The following MYO3A variants were observed in gnomAD, a reference collection of about 807,000 sequenced individuals.
The protein encoded by MYO3A is myosin IIIA.
A neutral mutation model predicts 192.7 loss-of-function variants in MYO3A; 180 were observed. That is an observed-to-expected ratio of 0.93 (90% CI 0.83 to 1.06). The LOEUF (loss-of-function observed/expected upper bound fraction) is 1.06, where lower values mean the gene tolerates loss of function less well. Among genes scored for constraint, MYO3A ranks in the 50% least tolerant of loss-of-function variants. The probability of loss-of-function intolerance (pLI) is 0.00; values close to 1 mark genes in which losing one functional copy is unlikely to be tolerated. For synonymous variants in MYO3A, 628 were observed against 645.3 expected (o/e 0.97, Z 0.41); for missense variants, 1,896 against 1,905.0 (o/e 1.00, Z 0.09).
chr10:26,125,096 A>G (rs577364674), intron 18 of MYO3A, among the ~76,000 whole-genome samples: 9 of 152,210 alleles, frequency 5.9e-5, no homozygotes, highest in Admixed American at 4.6e-4. Context: ...AATTTAGTGA[A>G]ACTATATTTG....
intron 6 of MYO3A, among the ~76,000 whole-genome samples, chr10:26,001,873 G>A (rs1482921437): frequency 6.6e-6 from 1 of 152,146 alleles, no homozygotes; most frequent in Non-Finnish European, 1.5e-5. Context: ...TGTAACCCCA[G>A]CTATTCAGGA....
At position 25,952,037 on chromosome 10, in the gene MYO3A, G is replaced by A. The variant is rs75827068; in HGVS notation, c.-17-57G>A. The A allele has an allele frequency of 5.4e-3, 7,127 of 1,317,256 alleles. 37 individuals carry two copies. Among genetic ancestry groups the A allele is most frequent in the Middle Eastern group, 0.026 (107 of 4,060 alleles). 81.6% of individuals were successfully genotyped at this position (1,317,256 alleles called of 1,614,324 possible). On this transcript the variant is annotated intron_variant, in intron 2 of 34. Coordinates refer to ENST00000642920, the MANE Select transcript of MYO3A (RefSeq NM_017433.5). ...ATTCGCTAATTTCCCATGGGTTTGT[G>A]TGTGCCATTTGATATCCTCAATCAA...
intron 30 of MYO3A, 137 bp from the exon 31 acceptor site, chr10:26,176,564 C>A: frequency 1.4e-6 from 1 of 737,724 alleles, no homozygotes; most frequent in South Asian, 1.7e-5. Flanking sequence ...GACCTTGGTG[C>A]AAGGGACAGG....
chr10:26,206,553 A>C (rs2132231677), intron 34 of MYO3A, among the ~76,000 whole-genome samples: 1 of 151,946 alleles, frequency 6.6e-6, no homozygotes, highest in East Asian at 1.9e-4. Flanking sequence ...GGTTCAAGTG[A>C]TTCTCCTGCC....
intron 14 of MYO3A, among the ~76,000 whole-genome samples, chr10:26,076,852 A>G (rs1301269168): frequency 6.6e-6 from 1 of 152,056 alleles, no homozygotes; most frequent in African/African-American, 2.4e-5. Context: ...CCATTGGTCT[A>G]TGTGTCTATT....
At chr10:26,186,078 T>C (rs541472732) in intron 31 of MYO3A, among the ~76,000 whole-genome samples, 3 of 152,338 alleles carry the variant, frequency 2.0e-5, no homozygotes, top group Non-Finnish European at 2.9e-5. Flanking sequence ...GTAAATATCA[T>C]TGAAAATGTA....
At chr10:26,153,720 G>C in intron 23 of MYO3A, 130 bp from the exon 24 acceptor site, 3 of 627,902 alleles carry the variant, frequency 4.8e-6, no homozygotes, top group Non-Finnish European at 8.5e-6. Flanking sequence ...TCCATAAATA[G>C]TTAACCAAGC....
rs1546698 is a variant in MYO3A at position 25,955,217 on chromosome 10, A to G, written c.303+209A>G. Among the ~76,000 whole-genome samples, 14,080 of 152,242 alleles carry G rather than the reference A, an allele frequency of 0.092. 1,141 individuals carry two copies. Among genetic ancestry groups the G allele is most frequent in the African/African-American group, 0.21 (8,665 of 41,510 alleles). The stretch of plus-strand genomic sequence containing the variant: ...CCACAAAGACTAGTAAATATTAAAA[A>G]GAAATGACTCCACAATAAAAGACCA... On this transcript the variant is annotated intron_variant, in intron 4 of 34. Coordinates refer to ENST00000642920, the MANE Select transcript of MYO3A (RefSeq NM_017433.5).
chr10:26,078,402 G>T (rs1209442867), intron 14 of MYO3A, among the ~76,000 whole-genome samples: 1 of 151,520 alleles, frequency 6.6e-6, no homozygotes, highest in African/African-American at 2.4e-5. Flanking sequence ...TCTTTTCTTG[G>T]TTAATCTTGC....
chr10:25,962,921 A>G (rs1324547603), intron 4 of MYO3A, among the ~76,000 whole-genome samples: 1 of 152,168 alleles, frequency 6.6e-6, no homozygotes, highest in Admixed American at 6.5e-5. Flanking sequence ...TAGGTAAGGA[A>G]ATCTGGGCTT....
At chr10:25,941,765 C>T (rs902271898) in intron 2 of MYO3A, among the ~76,000 whole-genome samples, 1 of 152,222 alleles carries the variant, frequency 6.6e-6, no homozygotes, top group African/African-American at 2.4e-5. Context: ...AATTCCTGTT[C>T]TCTCTTACCC....
At chr10:25,979,288 A>G (rs1839152639) in intron 4 of MYO3A, among the ~76,000 whole-genome samples, 1 of 152,088 alleles carries the variant, frequency 6.6e-6, no homozygotes, top group Non-Finnish European at 1.5e-5. Context: ...TGGTTTTTGT[A>G]TACATACTTG....
intron 23 of MYO3A, among the ~76,000 whole-genome samples, chr10:26,149,961 A>T (rs1840702322): frequency 6.6e-6 from 1 of 151,798 alleles, no homozygotes; most frequent in Non-Finnish European, 1.5e-5. Context: ...TCCATCCAGT[A>T]TTTGTCTTTT....
intron 6 of MYO3A, among the ~76,000 whole-genome samples, chr10:26,014,073 G>A (rs1841834055): frequency 6.6e-6 from 1 of 152,034 alleles, no homozygotes; most frequent in Non-Finnish European, 1.5e-5. Context: ...GCTAAGCTGT[G>A]AGTATGTATT....
chr10:25,974,930 A>G (rs2130757097), intron 4 of MYO3A, among the ~76,000 whole-genome samples: 1 of 152,304 alleles, frequency 6.6e-6, no homozygotes, highest in Non-Finnish European at 1.5e-5. Context: ...AGATTCATAC[A>G]TTTGGAAAAG....
chr10:26,199,994 AC>A (rs1214428255), intron 32 of MYO3A, among the ~76,000 whole-genome samples: 2 of 152,204 alleles, frequency 1.3e-5, no homozygotes, highest in African/African-American at 4.8e-5. Context: ...GCTAGTGGCC[AC>A]TGTTCCTATG....
At chr10:26,034,924 A>AGTGTGTGTGT (rs370942096) in intron 10 of MYO3A, among the ~76,000 whole-genome samples, 8,658 of 151,082 alleles carry the variant, frequency 0.057, 322 homozygotes, top group Non-Finnish European at 0.083. Flanking sequence ...TTTTACATGA[A>AGTGTGTGTGT]GCGTGTGTGT....
intron 27 of MYO3A, chr10:26,166,388 T>A: frequency 1.7e-6 from 1 of 594,496 alleles, no homozygotes; most frequent in Non-Finnish European, 2.9e-6. Flanking sequence ...TTTTAAGAAA[T>A]ACAAAAGGCT....
chr10:26,113,094 A>C (rs929874763), intron 17 of MYO3A, among the ~76,000 whole-genome samples: 16 of 152,228 alleles, frequency 1.1e-4, no homozygotes, highest in Non-Finnish European at 2.4e-4. Context: ...GGGAAGATCA[A>C]ATAATATTTG....
Sources: allele counts gnomAD v4.1 joint callset (sites outside exome capture counted in the v4.1 genomes callset), GRCh38; gene constraint gnomAD v4.1.1; transcripts MANE v1.5; gene names NCBI Gene and HGNC (gene_info 2026-07-23, HGNC 2026-07-21).